Variants in PHF19 observed in about 807,000 individuals in gnomAD.
PHF19 encodes the protein PHD finger protein 19.
In PHF19, 21 loss-of-function variants were observed where a neutral mutation model predicts 79.8. The observed-to-expected ratio is 0.26, with a 90% CI of 0.19 to 0.38. PHF19 has a LOEUF of 0.38. Among genes scored for constraint, PHF19 ranks in the 10% least tolerant of loss-of-function variants. The pLI is 1.00. For missense variants in PHF19, 445 were observed against 744.2 expected, an observed-to-expected ratio of 0.60 and a Z score of 4.68; for synonymous variants, 273 against 296.3, an observed-to-expected ratio of 0.92 and a Z score of 0.81.
At chr9:120,899,763 C>T (rs951032472), upstream of PHF19, among the ~76,000 whole-genome samples, 4 of 152,148 alleles carry the variant, frequency 2.6e-5, no homozygotes, top group East Asian at 1.9e-4. Flanking sequence ...GCTGTGAGCA[C>T]GGTGTCCTGC....
Position 120,869,363 on chromosome 9 carries a change from A to C in PHF19, c.466-33T>G. ...GAGACGAGGGCCCCAGTCAACCACCAGGTCCGGGTGGACCACGCGAGTCAG... is the reference window on the plus strand; with the variant it reads ...GAGACGAGGGCCCCAGTCAACCACCCGGTCCGGGTGGACCACGCGAGTCAG... On this transcript the variant is annotated intron_variant, in intron 5 of 14. Coordinates refer to ENST00000373896, the MANE Select transcript of PHF19 (RefSeq NM_015651.3). The surrounding 1 kb of genome is among the most constrained non-coding windows in gnomAD (Gnocchi z 5.8). The C allele has an allele frequency of 6.2e-7, 1 of 1,603,930 alleles. No individual in the cohort carries two copies. The highest frequency in any genetic ancestry group is 8.5e-7 in the Non-Finnish European group (1 of 1,175,722).
rs777334280 is a variant in PHF19, at chr9:120,865,713, G to C, written c.897C>G (p.Gly299=). 6.2e-7 allele frequency: 1 copy of C among 1,614,042 alleles called. No individual in the cohort carries two copies. Residue 299 remains glycine, a synonymous_variant, in exon 9 of 15, where the codon GGC becomes GGG. Transcript: ENST00000373896. Reference sequence around the variant, plus strand: ...GACATCCCACAACCCCACATACCTTGCCAAGCTGCAGGAGCTCCCAGTGGT... The same window carrying C: ...GACATCCCACAACCCCACATACCTTCCCAAGCTGCAGGAGCTCCCAGTGGT... The part of the protein sequence containing the change: ...VNHHWELLQL[G]KLTSTPVTDR...
intron 8 of PHF19, 56 bp downstream of exon 8, chr9:120,865,972 G>A (rs569961973): frequency 1.3e-6 from 2 of 1,564,138 alleles, no homozygotes; most frequent in East Asian, 2.2e-5. Context: ...GGAGGGAGGA[G>A]GGAGGGGAGA....
chr9:120,887,552 A>G (rs1014742373), intron 1 of PHF19, among the ~76,000 whole-genome samples: 2 of 152,076 alleles, frequency 1.3e-5, no homozygotes, highest in African/African-American at 4.8e-5. Flanking sequence ...GGCCTGCCCT[A>G]TAGATTTTGG....
upstream of PHF19, among the ~76,000 whole-genome samples, chr9:120,896,483 G>C: frequency 8.1e-6 from 1 of 123,098 alleles, no homozygotes; most frequent in Non-Finnish European, 1.6e-5. Flanking sequence ...ACGGAGTTTC[G>C]CTCTGTCGCC....
At chr9:120,858,886 A>G (rs1055446495) in intron 14 of PHF19, among the ~76,000 whole-genome samples, 1 of 152,124 alleles carries the variant, frequency 6.6e-6, no homozygotes, top group African/African-American at 2.4e-5. Flanking sequence ...ACACACAGAC[A>G]CACAGGACAA....
chr9:120,873,014 C>T (rs1043323495), intron 3 of PHF19, among the ~76,000 whole-genome samples: 3 of 152,152 alleles, frequency 2.0e-5, no homozygotes, highest in Non-Finnish European at 4.4e-5. Context: ...TCCCAACCAC[C>T]CTATGAAGCC....
chr9:120,864,128 C>A lies in PHF19; in HGVS notation c.901-12G>T, dbSNP rs762438880. The A allele has an allele frequency of 1.2e-5, 19 of 1,612,488 alleles. No homozygotes were observed. The South Asian group carries it at 2.1e-4, about 18-fold the overall frequency. On this transcript the variant is annotated splice_polypyrimidine_tract_variant and intron_variant, in intron 9 of 14. Coordinates refer to ENST00000373896, the MANE Select transcript of PHF19 (RefSeq NM_015651.3). ...GGGGTGCTGGTGAGCTGTGGGAGAGCAGGCCAGCAGGACATCAGACCCAGG... is the reference window on the plus strand; with the variant it reads ...GGGGTGCTGGTGAGCTGTGGGAGAGAAGGCCAGCAGGACATCAGACCCAGG...
chr9:120,899,386 C>G, upstream of PHF19, among the ~76,000 whole-genome samples: 1 of 150,694 alleles, frequency 6.6e-6, no homozygotes, highest in East Asian at 1.9e-4. Flanking sequence ...GTCCCAGCTA[C>G]TCGGGAGGCT....
At chr9:120,875,126 G>A (rs574164667) in intron 1 of PHF19, among the ~76,000 whole-genome samples, 1 of 152,168 alleles carries the variant, frequency 6.6e-6, no homozygotes, top group Non-Finnish European at 1.5e-5. Context: ...CAGTCCATGT[G>A]CTCTGGATGG....
intron 1 of PHF19, among the ~76,000 whole-genome samples, chr9:120,884,631 G>A (rs1468229622): frequency 6.6e-6 from 1 of 152,124 alleles, no homozygotes; most frequent in Admixed American, 6.6e-5. Flanking sequence ...TGCCAGTCTG[G>A]GCACGGTGGC....
At position 120,860,414 on chromosome 9, in the gene PHF19, T is replaced by C. The variant is rs2045486726; in HGVS notation, c.1305-229A>G. On this transcript the variant is annotated intron_variant, in intron 13 of 14. Transcript: ENST00000373896. This position sits in a 1 kb window ranked among gnomAD's most constrained non-coding sequence, Gnocchi z 4.1. ...CCTCCCCTGGCGGTGACGTAAGCAC[T>C]GGTGTCAATAACTCGAGCGTGATCC... 3.9e-6 allele frequency: 2 copies of C among 518,864 alleles called. No homozygotes were observed. The highest frequency in any genetic ancestry group is 4.1e-5 in the South Asian group (2 of 49,212). The allele number at this position is 518,864 out of a possible 1,614,324, so 32.1% of individuals were successfully genotyped here. A position where few individuals can be genotyped will look rare whatever the true frequency, so the allele number is the denominator to read the frequency against.
chr9:120,883,778 A>C (rs1021761936), intron 1 of PHF19, among the ~76,000 whole-genome samples: 7 of 146,532 alleles, frequency 4.8e-5, no homozygotes, highest in African/African-American at 7.8e-5. Context: ...AAAAAAAAAA[A>C]AAATAGAAGC....
In PHF19 at chr9:120,866,114, C is replaced by T. The variant is rs76971701; in HGVS notation, c.711-18G>A. ...GGTAAAACCTGTGGGTGGGTAGAGA[C>T]GGGGGCCTATGGTGGGAGGGGCTCT... On this transcript the variant is annotated intron_variant, in intron 7 of 14. Transcript: ENST00000373896. The surrounding 1 kb of genome is among the most constrained non-coding windows in gnomAD (Gnocchi z 5.2). 2,552 of 1,605,928 alleles carry T rather than the reference C, an allele frequency of 1.6e-3. 27 individuals are homozygous for T. In the African/African-American group the frequency reaches 0.03, roughly 19 times the overall value.
Position 120,891,222 on chromosome 9 carries a change from C to T in PHF19, c.42+3566G>A, listed in dbSNP as rs2046338821. Among the ~76,000 whole-genome samples the T allele has an allele frequency of 6.6e-6, 1 of 152,134 alleles. No homozygotes were observed. Among genetic ancestry groups the T allele is most frequent in the East Asian group, 1.9e-4 (1 of 5,180 alleles). On this transcript the variant is annotated intron_variant, in intron 1 of 14. Transcript: ENST00000616568. The surrounding 1 kb of genome is among the most constrained non-coding windows in gnomAD (Gnocchi z 4.3). ...CAGTTAGTGTAAGGATCCATTTACT[C>T]ATCTGCCTCTCCCGCCCTCTTCCCT...
intron 1 of PHF19, among the ~76,000 whole-genome samples, chr9:120,887,361 G>A (rs547578318): frequency 6.6e-6 from 1 of 152,290 alleles, no homozygotes; most frequent in South Asian, 2.1e-4. Flanking sequence ...GGCTGAGGCA[G>A]GAGAATCGCT....
rs997380129 is a variant in PHF19, at chr9:120,860,725, G to A, written c.1304+364C>T. Among the ~76,000 whole-genome samples, 4 of 152,196 alleles carry A rather than the reference G, an allele frequency of 2.6e-5. No individual in the cohort carries two copies. The highest frequency in any genetic ancestry group is 9.7e-5 in the African/African-American group (4 of 41,434). ...GGGTGCTATGGAACTACAAAGGAGG[G>A]CGTCCAGCACAGCCTGGGGAGGGTT... On this transcript the variant is annotated intron_variant, in intron 13 of 14. Transcript: ENST00000373896. The surrounding 1 kb of genome is among the most constrained non-coding windows in gnomAD (Gnocchi z 4.1).
rs1385726868 is a variant in PHF19, at chr9:120,857,904, TC to T, written c.*39del. On this transcript the variant is annotated 3_prime_UTR_variant, in exon 15 of 15. Coordinates refer to ENST00000373896, the MANE Select transcript of PHF19 (RefSeq NM_015651.3). ...GGGAGCCTATGGCTTCTGCTGCTCC[TC>T]CTTTGGTTTTCAGGACCCCTGGCAC... is the stretch of plus-strand genomic sequence containing the variant. 1 of 1,256,086 alleles carries T rather than the reference TC, an allele frequency of 8.0e-7. No homozygotes were observed. Among genetic ancestry groups the T allele is most frequent in the Non-Finnish European group, 1.1e-6 (1 of 892,704 alleles). The allele number at this position is 1,256,086 out of a possible 1,614,324, so 77.8% of individuals were successfully genotyped here. A position where few individuals can be genotyped will look rare whatever the true frequency, so the allele number is the denominator to read the frequency against.
rs1032974617 is a variant in PHF19, at chr9:120,891,666, T to C, written c.42+3122A>G. Among the ~76,000 whole-genome samples the C allele has an allele frequency of 6.6e-6, 1 of 152,144 alleles. No homozygotes were observed. Among genetic ancestry groups the C allele is most frequent in the African/African-American group, 2.4e-5 (1 of 41,430 alleles). On this transcript the variant is annotated intron_variant, in intron 1 of 14. Transcript: ENST00000616568. The surrounding 1 kb of genome is among the most constrained non-coding windows in gnomAD (Gnocchi z 4.3). ...ACTCGGAACCCCACTATATTTGCCA[T>C]ATTTGTTGTGTTGAAAGAAAACTAG...
Sources: allele counts gnomAD v4.1 joint callset (sites outside exome capture counted in the v4.1 genomes callset), GRCh38; gene constraint gnomAD v4.1.1; non-coding constraint Gnocchi (gnomAD v3.1); transcripts MANE v1.5; gene names NCBI Gene and HGNC (gene_info 2026-07-23, HGNC 2026-07-21).